The following ZFPM2 variants were observed in gnomAD, a reference collection of about 807,000 sequenced individuals.
The protein encoded by ZFPM2 is zinc finger protein ZFPM2.
A neutral mutation model predicts 98.6 loss-of-function variants in ZFPM2; 20 were observed. The observed-to-expected ratio is 0.20, with a 90% confidence interval of 0.14 to 0.29. The LOEUF is 0.29. Among genes scored for constraint, ZFPM2 ranks in the 10% least tolerant of loss-of-function variants. The pLI is 1.00. For synonymous variants in ZFPM2, 518 were observed against 502.7 expected, an observed-to-expected ratio of 1.03 and a Z score of -0.41; for missense variants, 1,310 against 1,388.6, an observed-to-expected ratio of 0.94 and a Z score of 0.90.
chr8:105,507,703 A>G (rs760160310), intron 3 of ZFPM2, among the ~76,000 whole-genome samples: 8 of 152,174 alleles, frequency 5.3e-5, no homozygotes, highest in Non-Finnish European at 1.2e-4. Flanking sequence ...TGGTTTCACT[A>G]CAGTGTGCAA....
In ZFPM2 at chr8:105,322,730, G is replaced by A. The variant is rs184715604; in HGVS notation, c.40+3749G>A. Among the ~76,000 whole-genome samples, 13 of 152,228 alleles carry A rather than the reference G, an allele frequency of 8.5e-5. No homozygotes were observed. In the East Asian group the frequency reaches 2.3e-3, roughly 27 times the overall value. On this transcript the variant is annotated intron_variant, in intron 1 of 7. Coordinates refer to ENST00000407775, the MANE Select transcript of ZFPM2 (RefSeq NM_012082.4). ...AGGCAGAATGTTTTCTTCTTGAAAA[G>A]TGAAGCAGATACTGGAAATTAGCAT...
At chr8:105,598,682 C>G (rs1563736947) in intron 4 of ZFPM2, among the ~76,000 whole-genome samples, 1 of 152,016 alleles carries the variant, frequency 6.6e-6, no homozygotes, top group East Asian at 1.9e-4. Context: ...CTACATTTGC[C>G]TCCTTGTTCC....
chr8:105,673,379 A>G (rs1472103456), intron 5 of ZFPM2, among the ~76,000 whole-genome samples: 1 of 152,010 alleles, frequency 6.6e-6, no homozygotes, highest in Non-Finnish European at 1.5e-5. Context: ...TCAAAATGAT[A>G]GTCAGCAACC....
intron 4 of ZFPM2, among the ~76,000 whole-genome samples, chr8:105,591,918 C>G (rs1441945954): frequency 6.6e-6 from 1 of 152,016 alleles, no homozygotes; most frequent in Non-Finnish European, 1.5e-5. Flanking sequence ...AAAATTAACA[C>G]CAGATAAAGC....
chr8:105,598,060 A>C (rs1372959112), intron 4 of ZFPM2, among the ~76,000 whole-genome samples: 2 of 151,108 alleles, frequency 1.3e-5, no homozygotes, highest in African/African-American at 2.4e-5. Flanking sequence ...TTGGAAAAAA[A>C]AAAACCTTTT....
intron 1 of ZFPM2, among the ~76,000 whole-genome samples, chr8:105,394,633 C>CGA (rs1811185895): frequency 6.6e-6 from 1 of 152,116 alleles, no homozygotes. Flanking sequence ...TTTGTAAAAG[C>CGA]GAGTACATCC....
intron 5 of ZFPM2, among the ~76,000 whole-genome samples, chr8:105,773,504 AAAAAT>A (rs766975280): frequency 8.6e-5 from 13 of 152,026 alleles, no homozygotes; most frequent in African/African-American, 1.4e-4. Flanking sequence ...AATAGTTTTT[AAAAAT>A]AAAATAAATC....
chr8:105,522,999 G>A (rs1814095452), intron 3 of ZFPM2, among the ~76,000 whole-genome samples: 1 of 152,088 alleles, frequency 6.6e-6, no homozygotes, highest in African/African-American at 2.4e-5. Context: ...TAGCCTAATG[G>A]TCTGATAGAA....
At chr8:105,749,597 G>A (rs1812431166) in intron 5 of ZFPM2, among the ~76,000 whole-genome samples, 1 of 151,954 alleles carries the variant, frequency 6.6e-6, no homozygotes, top group Admixed American at 6.6e-5. Context: ...AGCTCTCTTT[G>A]TGAGCTGTCC....
chr8:105,525,359 A>T (rs546676204), intron 3 of ZFPM2, among the ~76,000 whole-genome samples: 51 of 152,356 alleles, frequency 3.3e-4, no homozygotes, highest in Admixed American at 2.7e-3. Flanking sequence ...TTCGAAAACA[A>T]ATGTATTTTG....
At chr8:105,497,514 T>G (rs1481180493) in intron 3 of ZFPM2, among the ~76,000 whole-genome samples, 1 of 152,212 alleles carries the variant, frequency 6.6e-6, no homozygotes, top group Non-Finnish European at 1.5e-5. Context: ...TATAATTTAT[T>G]GATTTAGACA....
chr8:105,351,383 T>G (rs78432112), intron 1 of ZFPM2, among the ~76,000 whole-genome samples: 135 of 74,576 alleles, frequency 1.8e-3, no homozygotes, highest in African/African-American at 4.7e-3. Context: ...GTGTGTGTGT[T>G]TGTGTGTGTG....
At chr8:105,632,228 A>G (rs951789006) in intron 4 of ZFPM2, among the ~76,000 whole-genome samples, 4 of 152,076 alleles carry the variant, frequency 2.6e-5, no homozygotes, top group African/African-American at 9.7e-5. Context: ...GGGGTACAGT[A>G]GCACGATCTT....
chr8:105,512,088 T>C (rs1250877277), intron 3 of ZFPM2, among the ~76,000 whole-genome samples: 1 of 152,140 alleles, frequency 6.6e-6, no homozygotes, highest in Non-Finnish European at 1.5e-5. Context: ...GAGGCTGCAG[T>C]GAGCTGAGAT....
intron 5 of ZFPM2, among the ~76,000 whole-genome samples, chr8:105,727,185 G>T (rs1391305749): frequency 2.7e-5 from 4 of 150,454 alleles, no homozygotes; most frequent in African/African-American, 7.3e-5. Context: ...CAGCATAATT[G>T]CTGGGTACAA....
At chr8:105,492,896 T>C (rs1586412714) in intron 3 of ZFPM2, among the ~76,000 whole-genome samples, 2 of 152,252 alleles carry the variant, frequency 1.3e-5, no homozygotes, top group South Asian at 2.1e-4. Context: ...TACAAATACA[T>C]AGTAATTAAT....
chr8:105,540,515 C>T (rs1001238717), intron 3 of ZFPM2, among the ~76,000 whole-genome samples: 1 of 152,072 alleles, frequency 6.6e-6, no homozygotes, highest in African/African-American at 2.4e-5. Flanking sequence ...CATGTTTTAT[C>T]ATCAATAAAT....
intron 5 of ZFPM2, among the ~76,000 whole-genome samples, chr8:105,770,510 C>T (rs1812956178): frequency 6.6e-6 from 1 of 152,006 alleles, no homozygotes; most frequent in Non-Finnish European, 1.5e-5. Context: ...AGGATTCCGC[C>T]CCCAACCCCC....
At chr8:105,414,504 A>G (rs1811639795) in intron 1 of ZFPM2, among the ~76,000 whole-genome samples, 1 of 151,874 alleles carries the variant, frequency 6.6e-6, no homozygotes, top group African/African-American at 2.4e-5. Context: ...AATATTTACT[A>G]TGTTGTTCTT....
Sources: gnomAD v4.1 joint callset for allele counts (sites outside exome capture counted in the v4.1 genomes callset) on GRCh38, gnomAD v4.1.1 for gene constraint, MANE v1.5 for transcripts, NCBI Gene and HGNC (gene_info 2026-07-23, HGNC 2026-07-21) for gene names.